The following PIK3R3 variants were observed in gnomAD, a reference collection of about 807,000 sequenced individuals.
PIK3R3 encodes phosphatidylinositol 3-kinase regulatory subunit gamma.
PIK3R3 carries 64 observed loss-of-function variants against 62.9 expected under a neutral mutation model. That is an observed-to-expected ratio of 1.02 (90% CI 0.83 to 1.25). The LOEUF is 1.25. Ranked by LOEUF, PIK3R3 falls within the 50% of genes most tolerant of loss-of-function variation. The pLI, the probability that PIK3R3 is intolerant of heterozygous loss-of-function variation, is 0.00. For synonymous variants in PIK3R3, 165 were observed against 189.0 expected, an observed-to-expected ratio of 0.87 and a Z score of 1.04; for missense variants, 614 against 561.6, an observed-to-expected ratio of 1.09 and a Z score of -0.94.
At chr1:46,132,793 G>C, upstream of PIK3R3, 1 of 1,261,636 alleles carries the variant, frequency 7.9e-7, no homozygotes, top group South Asian at 1.3e-5. Flanking sequence ...CCGGGATTCT[G>C]TCAAGTGCCT....
the PIK3R3 span, chr1:46,138,801 ATTGT>A: frequency 2.6e-5 from 4 of 152,190 alleles, no homozygotes; most frequent in African/African-American, 9.7e-5. Flanking sequence ...CATGAACATG[ATTGT>A]TTGTGTCCTC....
chr1:46,068,695 G>A (rs2149399156), intron 3 of PIK3R3, among the ~76,000 whole-genome samples: 1 of 152,306 alleles, frequency 6.6e-6, no homozygotes, highest in Middle Eastern at 3.4e-3. Flanking sequence ...GTAAGGGCAT[G>A]CTTGGCATGT....
At chr1:46,101,242 TC>T (rs1425836811) in intron 1 of PIK3R3, among the ~76,000 whole-genome samples, 2 of 150,774 alleles carry the variant, frequency 1.3e-5, no homozygotes, top group Admixed American at 6.6e-5. Context: ...ACGCCTGTAA[TC>T]CCAGCACTTT....
intron 1 of PIK3R3, among the ~76,000 whole-genome samples, chr1:46,098,067 T>G (rs1652314999): frequency 6.6e-6 from 1 of 152,088 alleles, no homozygotes; most frequent in Non-Finnish European, 1.5e-5. Flanking sequence ...ACAAGGAATA[T>G]GCAAAAATCA....
At chr1:46,157,296 C>T in the PIK3R3 span, among the ~76,000 whole-genome samples, 1 of 152,128 alleles carries the variant, frequency 6.6e-6, no homozygotes, top group Non-Finnish European at 1.5e-5. Context: ...ACCACGCCAG[C>T]TAATTTTCGT....
At chr1:46,134,077 T>C (rs1655837455), upstream of PIK3R3, among the ~76,000 whole-genome samples, 1 of 152,222 alleles carries the variant, frequency 6.6e-6, no homozygotes, top group Non-Finnish European at 1.5e-5. Flanking sequence ...CTGAAGATTG[T>C]GCCTGGAATT....
At chr1:46,091,471 CACACACACACAT>C (rs1337626419) in intron 1 of PIK3R3, among the ~76,000 whole-genome samples, 4 of 105,170 alleles carry the variant, frequency 3.8e-5, no homozygotes, top group Non-Finnish European at 6.3e-5. Flanking sequence ...GTTATAAACA[CACACACACACAT>C]ACACACACAC....
At position 46,046,069 on chromosome 1, in the gene PIK3R3, C is replaced by T. The variant is rs757055649; in HGVS notation, c.1036G>A (p.Glu346Lys). The T allele has an allele frequency of 6.3e-7, 1 of 1,598,582 alleles. No homozygotes were observed. The highest frequency in any genetic ancestry group is 8.6e-7 in the Non-Finnish European group (1 of 1,168,366). ...DADENYFINEEDENLPHYDEK... is the reference protein window; with the variant it reads ...DADENYFINEKDENLPHYDEK... ...TCATAATGGGGCAGGTTTTCATCTT[C>T]CTCATTGATAAAATAGTTCCTAAAA... The change falls in exon 9 of 10, where the codon GAA (glutamate) becomes AAA (lysine). Residue 346 changes from glutamate (E) to lysine (K), a missense_variant. Physicochemically the swap from Glu to Lys is moderately conservative, Grantham distance 56. Transcript: ENST00000262741.
At chr1:46,133,013 G>A (rs1393855571), upstream of PIK3R3, 1 of 1,047,234 alleles carries the variant, frequency 9.5e-7, no homozygotes. Context: ...AGGCAAGGTG[G>A]GTGGTGATTG....
chr1:46,124,049 A>G (rs778569546), intron 1 of PIK3R3, among the ~76,000 whole-genome samples: 11 of 152,216 alleles, frequency 7.2e-5, no homozygotes, highest in Non-Finnish European at 1.5e-4. Context: ...AACACTGGGA[A>G]GGAAGAAAAG....
chr1:46,040,360 A>G lies in PIK3R3; in HGVS notation c.*3313T>C. ...TATGAACTGTCCCATCACAAGACATACAGTTGGCTTTCTTGTGAGTCAGAT... is the reference window on the plus strand; with the variant it reads ...TATGAACTGTCCCATCACAAGACATGCAGTTGGCTTTCTTGTGAGTCAGAT... On this transcript the variant is annotated 3_prime_UTR_variant, in exon 10 of 10. Transcript: ENST00000262741. 1 of 231,732 alleles carries G rather than the reference A, an allele frequency of 4.3e-6. No individual in the cohort carries two copies. The highest frequency in any genetic ancestry group is 6.1e-5 in the East Asian group (1 of 16,338). The allele number at this position is 231,732 out of a possible 1,614,324, so 14.4% of individuals were successfully genotyped here. A position where few individuals can be genotyped will look rare whatever the true frequency, so the allele number is the denominator to read the frequency against.
the PIK3R3 span, among the ~76,000 whole-genome samples, chr1:46,148,452 A>G: frequency 6.6e-6 from 1 of 152,214 alleles, no homozygotes; most frequent in Non-Finnish European, 1.5e-5. Context: ...AACTCTTTCC[A>G]GCAGAGTGCA....
intron 1 of PIK3R3, among the ~76,000 whole-genome samples, chr1:46,118,629 C>G (rs1230545789): frequency 2.0e-5 from 3 of 149,420 alleles, no homozygotes; most frequent in Non-Finnish European, 3.0e-5. Context: ...GATCTCAGCT[C>G]ACTGCAACCT....
At chr1:46,074,904 GTA>G (rs1649928095) in intron 3 of PIK3R3, among the ~76,000 whole-genome samples, 1 of 152,190 alleles carries the variant, frequency 6.6e-6, no homozygotes, top group South Asian at 2.1e-4. Flanking sequence ...CATGATGAGA[GTA>G]TGTGTTTGAT....
chr1:46,064,471 G>C (rs953000994), intron 5 of PIK3R3, among the ~76,000 whole-genome samples: 14 of 151,104 alleles, frequency 9.3e-5, no homozygotes, highest in Non-Finnish European at 1.9e-4. Flanking sequence ...AACCCGGGAG[G>C]CGGAGGTTGC....
At chr1:46,166,371 C>T in the PIK3R3 span, among the ~76,000 whole-genome samples, 7 of 151,668 alleles carry the variant, frequency 4.6e-5, no homozygotes, top group Non-Finnish European at 1.0e-4. Flanking sequence ...TACAGGTGTG[C>T]GCCTCCATGC....
intron 7 of PIK3R3, among the ~76,000 whole-genome samples, chr1:46,052,093 G>A (rs913438613): frequency 2.6e-5 from 4 of 152,040 alleles, no homozygotes; most frequent in East Asian, 1.9e-4. Context: ...AGCTGAGATC[G>A]CGCCACTGCA....
intron 1 of PIK3R3, among the ~76,000 whole-genome samples, chr1:46,091,716 T>A (rs1458773518): frequency 6.6e-6 from 1 of 152,110 alleles, no homozygotes; most frequent in African/African-American, 2.4e-5. Flanking sequence ...TATATAATCA[T>A]CCCTCAGTAT....
chr1:46,158,015 T>C, the PIK3R3 span, among the ~76,000 whole-genome samples: 245 of 152,294 alleles, frequency 1.6e-3, 1 homozygote, highest in African/African-American at 5.8e-3. Context: ...ACATCCTTTG[T>C]TTCTCCCTGC....
Sources: allele counts gnomAD v4.1 joint callset (sites outside exome capture counted in the v4.1 genomes callset), GRCh38; gene constraint gnomAD v4.1.1; transcripts MANE v1.5; gene names NCBI Gene and HGNC (gene_info 2026-07-23, HGNC 2026-07-21).